VSTM2L: variants seen among roughly 807,000 people sequenced by gnomAD.
The protein encoded by VSTM2L is V-set and transmembrane domain containing 2 like, also known as V-set and transmembrane domain-containing protein 2-like protein.
In VSTM2L, 9 loss-of-function variants were observed where a neutral mutation model predicts 19.9. The ratio of observed to expected loss-of-function variants is 0.45; its 90% CI spans 0.27 to 0.79. The LOEUF is 0.79. VSTM2L is among the 30% of genes least tolerant of loss of function. The pLI is 0.15. For missense variants in VSTM2L, 286 were observed against 295.5 expected (o/e 0.97, Z 0.24); for synonymous variants, 127 against 133.8 (o/e 0.95, Z 0.35).
At chr20:37,921,430 G>A (rs1037172286) in intron 1 of VSTM2L, among the ~76,000 whole-genome samples, 11 of 152,152 alleles carry the variant, frequency 7.2e-5, no homozygotes, top group Admixed American at 5.9e-4. Context: ...CAGGCAGCCC[G>A]GAGTAGGGAA....
rs577874062 is a variant in VSTM2L, at chr20:37,931,777, C to T, written c.264C>T (p.Thr88=). The part of the protein sequence containing the change: ...WWYVRSHRDW[T]DKQAWASNQL... ...ATGTACGGAGCCACCGGGACTGGAC[C>T]GACAAGCAGGCGTGGGCCTCGAACC... Residue 88 remains threonine (T), a synonymous_variant, in exon 2 of 4, where the codon ACC becomes ACT. Coordinates refer to ENST00000373461, the MANE Select transcript of VSTM2L (RefSeq NM_080607.3). 60 of 1,613,914 alleles carry T rather than the reference C, an allele frequency of 3.7e-5. No individual in the cohort carries two copies. The East Asian group carries it at 4.5e-4, about 12-fold the overall frequency.
chr20:37,904,390 G>A (rs2072739714), intron 1 of VSTM2L, among the ~76,000 whole-genome samples: 1 of 152,246 alleles, frequency 6.6e-6, no homozygotes, highest in African/African-American at 2.4e-5. Context: ...AGCCGCTGTG[G>A]AAGCCGGGGA....
chr20:37,931,495 A>G (rs2072908505), intron 1 of VSTM2L, 140 bp from the exon 2 acceptor site: 2 of 904,350 alleles, frequency 2.2e-6, no homozygotes, highest in South Asian at 1.6e-5. Context: ...CACTCCCACC[A>G]GCGGGCTTGC....
chr20:37,916,939 TTCTGGGGGGAAGACAGCA>T (rs2072821933), intron 1 of VSTM2L, among the ~76,000 whole-genome samples: 1 of 152,160 alleles, frequency 6.6e-6, no homozygotes, highest in Admixed American at 6.5e-5. Context: ...AGGAGTTTCC[TTCTGGGGGGAAGACAGCA>T]TGTTGGGACT....
At chr20:37,924,414 G>A (rs2072868526) in intron 1 of VSTM2L, among the ~76,000 whole-genome samples, 1 of 142,384 alleles carries the variant, frequency 7.0e-6, no homozygotes, top group African/African-American at 2.9e-5. Context: ...TTAGCTGGGC[G>A]TGGTGACGTG....
At position 37,903,484 on chromosome 20, in the gene VSTM2L, G is replaced by T. The variant is rs1246926237; in HGVS notation, c.121+13G>T. On this transcript the variant is annotated intron_variant, in intron 1 of 3. Coordinates refer to ENST00000373461, the MANE Select transcript of VSTM2L (RefSeq NM_080607.3). ...GTCTCCGGCCACGGTGAGTTCGGTC[G>T]CCGCCCCCGCGGACTTCCCCACCAA... 1 of 1,467,036 alleles carries T rather than the reference G, an allele frequency of 6.8e-7. No homozygotes were observed. Among genetic ancestry groups the T allele is most frequent in the Non-Finnish European group, 9.0e-7 (1 of 1,114,910 alleles). The allele number at this position is 1,467,036 out of a possible 1,614,324, so 90.9% of individuals were successfully genotyped here. A position where few individuals can be genotyped will look rare whatever the true frequency, so the allele number is the denominator to read the frequency against.
At chr20:37,931,600 G>C (rs2072909373) in intron 1 of VSTM2L, 35 bp from the exon 2 acceptor site, 1 of 1,586,652 alleles carries the variant, frequency 6.3e-7, no homozygotes, top group Non-Finnish European at 8.6e-7. Context: ...GTGGTTTCCT[G>C]AGCCCCGCCA....
At chr20:37,921,768 C>T (rs912574351) in intron 1 of VSTM2L, among the ~76,000 whole-genome samples, 4 of 148,556 alleles carry the variant, frequency 2.7e-5, no homozygotes, top group Non-Finnish European at 4.5e-5. Context: ...GTTGAAGATG[C>T]GGGGAGGGAT....
chr20:37,939,840 C>T (rs931252233), intron 3 of VSTM2L, among the ~76,000 whole-genome samples: 12 of 152,210 alleles, frequency 7.9e-5, no homozygotes, highest in Non-Finnish European at 1.8e-4. Context: ...TGACTTGTCA[C>T]GGTCAGCGCC....
At chr20:37,940,226 C>A (rs1270638569) in intron 3 of VSTM2L, among the ~76,000 whole-genome samples, 3 of 152,242 alleles carry the variant, frequency 2.0e-5, no homozygotes, top group African/African-American at 7.2e-5. Flanking sequence ...AGAGAGCACA[C>A]AGGACCACAG....
chr20:37,904,442 G>A (rs1261272007), intron 1 of VSTM2L, among the ~76,000 whole-genome samples: 1 of 152,268 alleles, frequency 6.6e-6, no homozygotes, highest in Non-Finnish European at 1.5e-5. Flanking sequence ...AGTGTCAGAA[G>A]CTCCTGCTAG....
intron 3 of VSTM2L, among the ~76,000 whole-genome samples, chr20:37,940,833 C>T (rs143125652): frequency 1.3e-5 from 2 of 152,210 alleles, no homozygotes; most frequent in East Asian, 3.9e-4. Context: ...GAAGAGTGAA[C>T]GAAGGGGAAA....
intron 1 of VSTM2L, among the ~76,000 whole-genome samples, chr20:37,912,079 A>G (rs1051839566): frequency 3.9e-5 from 6 of 152,204 alleles, no homozygotes; most frequent in African/African-American, 1.4e-4. Context: ...ACTCCCCACC[A>G]TGCTAGGAGG....
At chr20:37,924,632 CAAAT>C (rs2072870256) in intron 1 of VSTM2L, among the ~76,000 whole-genome samples, 1 of 150,750 alleles carries the variant, frequency 6.6e-6, no homozygotes, top group African/African-American at 2.4e-5. Flanking sequence ...TGGCACAAAA[CAAAT>C]AGTCTTTATT....
intron 2 of VSTM2L, 68 bp from the exon 3 acceptor site, chr20:37,933,471 G>GCCCCCCC: frequency 8.0e-7 from 1 of 1,255,736 alleles, no homozygotes; most frequent in Non-Finnish European, 1.1e-6. Context: ...TCCCCACACT[G>GCCCCCCC]CCACCCCACC....
rs770937605 is a variant in VSTM2L at position 37,931,778 on chromosome 20, G to A, written c.265G>A (p.Asp89Asn). ...WYVRSHRDWT[D>N]KQAWASNQLK... ...TGTACGGAGCCACCGGGACTGGACCGACAAGCAGGCGTGGGCCTCGAACCA... is the reference window on the plus strand; with the variant it reads ...TGTACGGAGCCACCGGGACTGGACCAACAAGCAGGCGTGGGCCTCGAACCA... Residue 89 changes from aspartate (D) to asparagine (N), a missense_variant, in exon 2 of 4, where the codon GAC becomes AAC. Coordinates refer to ENST00000373461, the MANE Select transcript of VSTM2L (RefSeq NM_080607.3). 6.8e-6 allele frequency: 11 copies of A among 1,613,776 alleles called. No homozygotes were observed. Among genetic ancestry groups the A allele is most frequent in the South Asian group, 1.1e-5 (1 of 91,070 alleles).
chr20:37,907,176 A>C (rs774048481), intron 1 of VSTM2L, among the ~76,000 whole-genome samples: 8 of 152,208 alleles, frequency 5.3e-5, no homozygotes, highest in Non-Finnish European at 1.0e-4. Flanking sequence ...GCACAATCTC[A>C]GCTTACTGCA....
Position 37,944,401 on chromosome 20 carries a change from C to A in VSTM2L, c.*148C>A. 2 of 1,272,142 alleles carry A rather than the reference C, an allele frequency of 1.6e-6. No individual in the cohort carries two copies. The highest frequency in any genetic ancestry group is 2.0e-6 in the Non-Finnish European group (2 of 980,606). 78.8% of individuals were successfully genotyped at this position (1,272,142 alleles called of 1,614,324 possible). On this transcript the variant is annotated 3_prime_UTR_variant, in exon 4 of 4. Coordinates refer to ENST00000373461, the MANE Select transcript of VSTM2L (RefSeq NM_080607.3). Reference sequence around the variant, plus strand: ...CACCATGTCGGCCCTCTTTCCACCACCCCTTGCTCAGCATGTAAGCCCCAC... The same window carrying A: ...CACCATGTCGGCCCTCTTTCCACCAACCCTTGCTCAGCATGTAAGCCCCAC...
chr20:37,909,716 G>A (rs141729089), intron 1 of VSTM2L, among the ~76,000 whole-genome samples: 483 of 152,334 alleles, frequency 3.2e-3, no homozygotes, highest in African/African-American at 0.011. Flanking sequence ...TGGCCTTGGG[G>A]TGCATATGTG....
Sources: allele counts gnomAD v4.1 joint callset (sites outside exome capture counted in the v4.1 genomes callset), GRCh38; gene constraint gnomAD v4.1.1; transcripts MANE v1.5; gene names NCBI Gene and HGNC (gene_info 2026-07-23, HGNC 2026-07-21).